The following UBR3 variants were observed in gnomAD, a reference collection of about 807,000 sequenced individuals.
The protein encoded by UBR3 is E3 ubiquitin-protein ligase UBR3.
In UBR3, 85 loss-of-function variants were observed where a neutral mutation model predicts 243.2. The observed-to-expected ratio is 0.35, with a 90% CI of 0.29 to 0.42. The LOEUF (loss-of-function observed/expected upper bound fraction) is 0.42. Ranked by LOEUF, UBR3 falls within the 10% of genes least tolerant of loss-of-function variation. UBR3 has a pLI of 1.00. For missense variants in UBR3, 1,686 were observed against 2,300.8 expected (o/e 0.73, Z 5.47); for synonymous variants, 748 against 799.8 (o/e 0.94, Z 1.09).
At chr2:169,891,899 A>G (rs1206491127) in intron 6 of UBR3, among the ~76,000 whole-genome samples, 1 of 152,204 alleles carries the variant, frequency 6.6e-6, no homozygotes, top group Non-Finnish European at 1.5e-5. Context: ...AAGCTTTTCT[A>G]GAATACTTGC....
At chr2:170,012,919 C>A (rs1422089582) in intron 29 of UBR3, among the ~76,000 whole-genome samples, 1 of 152,054 alleles carries the variant, frequency 6.6e-6, no homozygotes, top group African/African-American at 2.4e-5. Flanking sequence ...CAAAAAGAAG[C>A]TGGAGCATAG....
chr2:170,041,442 C>A (rs2090966648), intron 32 of UBR3, among the ~76,000 whole-genome samples: 1 of 152,070 alleles, frequency 6.6e-6, no homozygotes, highest in East Asian at 1.9e-4. Flanking sequence ...AAACTCTCAG[C>A]CTTAGTGCCT....
intron 25 of UBR3, among the ~76,000 whole-genome samples, chr2:169,989,552 C>G (rs1289967900): frequency 7.2e-5 from 11 of 152,128 alleles, no homozygotes; most frequent in Non-Finnish European, 1.6e-4. Flanking sequence ...TCAGAGATTA[C>G]AAATCTCTTT....
At chr2:169,950,632 A>AT (rs11409087) in intron 23 of UBR3, among the ~76,000 whole-genome samples, 27,467 of 151,228 alleles carry the variant, frequency 0.18, 2,736 homozygotes, top group African/African-American at 0.24. Flanking sequence ...AAAAAATGGG[A>AT]TTTTTTTAAA....
chr2:169,908,277 G>A lies in UBR3; in HGVS notation c.1779+2113G>A, dbSNP rs190266152. ...TTTTGATTCATTTGATATGCAGTGG[G>A]ACCTGTGTAGTGATTCTAACCAAAA... On this transcript the variant is annotated intron_variant, in intron 10 of 38. Coordinates refer to ENST00000272793, the MANE Select transcript of UBR3 (RefSeq NM_172070.4). Among the ~76,000 whole-genome samples, 123 of 152,274 alleles carry A rather than the reference G, an allele frequency of 8.1e-4. 1 individual carries two copies. The Middle Eastern group carries it at 0.014, about 17-fold the overall frequency.
chr2:169,872,929 A>G (rs981077339), intron 2 of UBR3, among the ~76,000 whole-genome samples: 14 of 152,142 alleles, frequency 9.2e-5, no homozygotes, highest in Non-Finnish European at 1.8e-4. Context: ...ACTTTTTAAG[A>G]TTTAATCACA....
chr2:169,960,305 G>A (rs1434001023), intron 24 of UBR3, among the ~76,000 whole-genome samples: 1 of 150,660 alleles, frequency 6.6e-6, no homozygotes, highest in Non-Finnish European at 1.5e-5. Context: ...TGTATGAAAC[G>A]TAAATGAATT....
chr2:170,061,292 G>A, intron 34 of UBR3, 26 bp from the exon 35 acceptor site: 2 of 1,607,526 alleles, frequency 1.2e-6, no homozygotes, highest in Non-Finnish European at 1.7e-6. Flanking sequence ...AGACTGACTT[G>A]TTCAAATTTT....
intron 2 of UBR3, among the ~76,000 whole-genome samples, chr2:169,873,646 CTG>C (rs2083501593): frequency 6.6e-6 from 1 of 152,062 alleles, no homozygotes; most frequent in Non-Finnish European, 1.5e-5. Context: ...ACACTCCAGT[CTG>C]GGTGACAGAG....
intron 27 of UBR3, among the ~76,000 whole-genome samples, chr2:170,004,990 G>C (rs923934384): frequency 6.6e-6 from 1 of 152,158 alleles, no homozygotes; most frequent in Non-Finnish European, 1.5e-5. Flanking sequence ...TTGGGAGGCC[G>C]AGGCGGATGG....
At chr2:169,838,870 C>T (rs536229234) in intron 1 of UBR3, among the ~76,000 whole-genome samples, 3 of 152,150 alleles carry the variant, frequency 2.0e-5, no homozygotes, top group African/African-American at 7.2e-5. Flanking sequence ...CCTGTGAAGT[C>T]AAACAAGTTA....
chr2:170,009,101 G>C lies in UBR3; in HGVS notation c.4367+161G>C, dbSNP rs182683065. On this transcript the variant is annotated intron_variant, in intron 29 of 38. Transcript: ENST00000272793. ...CTGCTAGGATAACTATAACTGTGCAGCTTTATTTCCTGAAGAGGTTTTATT... is the reference window on the plus strand; with the variant it reads ...CTGCTAGGATAACTATAACTGTGCACCTTTATTTCCTGAAGAGGTTTTATT... 4.6e-5 allele frequency among the ~76,000 whole-genome samples: 7 copies of C among 152,094 alleles called. No individual in the cohort carries two copies. The East Asian group carries it at 1.4e-3, about 29-fold the overall frequency.
At chr2:170,064,459 T>C (rs929398606) in intron 35 of UBR3, among the ~76,000 whole-genome samples, 1 of 152,076 alleles carries the variant, frequency 6.6e-6, no homozygotes, top group East Asian at 1.9e-4. Flanking sequence ...TAAATTTATT[T>C]TGTATTTTCT....
intron 1 of UBR3, among the ~76,000 whole-genome samples, chr2:169,864,343 C>T (rs1397378137): frequency 6.6e-6 from 1 of 152,134 alleles, no homozygotes; most frequent in Non-Finnish European, 1.5e-5. Context: ...AAAGTTAGCT[C>T]CATGAGGACA....
At chr2:169,899,547 T>G (rs1029061622) in intron 8 of UBR3, among the ~76,000 whole-genome samples, 64 of 152,158 alleles carry the variant, frequency 4.2e-4, no homozygotes, top group African/African-American at 1.5e-3. Flanking sequence ...CTGGGGTACA[T>G]GTACAGAATG....
At chr2:170,047,606 T>C (rs1036553961) in intron 32 of UBR3, among the ~76,000 whole-genome samples, 3 of 152,078 alleles carry the variant, frequency 2.0e-5, no homozygotes, top group Non-Finnish European at 4.4e-5. Flanking sequence ...CAAGAGAGAA[T>C]GGAGGAGGAG....
At chr2:169,904,143 A>C (rs1326035744) in intron 8 of UBR3, among the ~76,000 whole-genome samples, 1 of 151,982 alleles carries the variant, frequency 6.6e-6, no homozygotes, top group Non-Finnish European at 1.5e-5. Context: ...TTTTCCTGGC[A>C]CTTGTTTTTA....
At chr2:169,988,020 A>G (rs2089102058) in intron 25 of UBR3, among the ~76,000 whole-genome samples, 1 of 152,226 alleles carries the variant, frequency 6.6e-6, no homozygotes, top group South Asian at 2.1e-4. Context: ...CTTGCCTAAA[A>G]TGAATTGATT....
intron 8 of UBR3, among the ~76,000 whole-genome samples, chr2:169,900,125 C>T (rs779939583): frequency 3.3e-5 from 5 of 152,252 alleles, no homozygotes; most frequent in South Asian, 4.2e-4. Context: ...AGTGTAAAAG[C>T]GTTCCTATTT....
Sources: gnomAD v4.1 joint callset for allele counts (sites outside exome capture counted in the v4.1 genomes callset) on GRCh38, gnomAD v4.1.1 for gene constraint, MANE v1.5 for transcripts, NCBI Gene and HGNC (gene_info 2026-07-23, HGNC 2026-07-21) for gene names.